SEMA3A: variants seen among roughly 807,000 people sequenced by gnomAD.
SEMA3A encodes the protein semaphorin-3A.
A neutral mutation model predicts 97.9 loss-of-function variants in SEMA3A; 29 were observed. That is an observed-to-expected ratio of 0.30 (90% confidence interval 0.22 to 0.40). SEMA3A has a LOEUF of 0.40. Among genes scored for constraint, SEMA3A ranks in the 10% least tolerant of loss-of-function variants. SEMA3A has a pLI of 1.00. For missense variants in SEMA3A, 763 were observed against 951.3 expected (o/e 0.80, Z 2.60); for synonymous variants, 321 against 323.7 (o/e 0.99, Z 0.09).
intron 5 of SEMA3A, among the ~76,000 whole-genome samples, chr7:84,050,883 T>C (rs1201985064): frequency 6.6e-6 from 1 of 151,330 alleles, no homozygotes; most frequent in African/African-American, 2.4e-5. Flanking sequence ...AATTGATTTT[T>C]GTATAAGGTG....
intron 4 of SEMA3A, among the ~76,000 whole-genome samples, chr7:84,061,435 G>A (rs1488034788): frequency 6.6e-6 from 1 of 152,194 alleles, no homozygotes; most frequent in Non-Finnish European, 1.5e-5. Context: ...TGACAGTGGA[G>A]TAAATCTGGG....
intron 1 of SEMA3A, among the ~76,000 whole-genome samples, chr7:84,468,801 G>A (rs903043038): frequency 1.3e-5 from 2 of 151,542 alleles, no homozygotes; most frequent in African/African-American, 4.9e-5. Context: ...TTTATATCAA[G>A]AATAGTTTTT....
chr7:84,474,044 A>G (rs1806218350), intron 1 of SEMA3A, among the ~76,000 whole-genome samples: 1 of 152,134 alleles, frequency 6.6e-6, no homozygotes, highest in South Asian at 2.1e-4. Context: ...GGTCTCATCT[A>G]CTAAGAAGTG....
chr7:84,331,371 C>T (rs1282564499), intron 2 of SEMA3A, among the ~76,000 whole-genome samples: 1 of 152,086 alleles, frequency 6.6e-6, no homozygotes, highest in Non-Finnish European at 1.5e-5. Context: ...CTTTTAATCC[C>T]AACCCATAAT....
intron 3 of SEMA3A, among the ~76,000 whole-genome samples, chr7:84,246,497 T>A (rs923626879): frequency 6.6e-6 from 1 of 152,010 alleles, no homozygotes; most frequent in African/African-American, 2.4e-5. Flanking sequence ...ACCCCCAAAT[T>A]AAAATAAGAC....
intron 1 of SEMA3A, among the ~76,000 whole-genome samples, chr7:84,466,063 T>C (rs1805986498): frequency 6.6e-6 from 1 of 152,350 alleles, no homozygotes; most frequent in African/African-American, 2.4e-5. Context: ...ATTGTTTTAA[T>C]GCAAATCCAG....
intron 3 of SEMA3A, among the ~76,000 whole-genome samples, chr7:84,282,834 T>C (rs926211067): frequency 3.3e-5 from 5 of 152,004 alleles, no homozygotes; most frequent in Admixed American, 3.3e-4. Context: ...GCCAACATTG[T>C]GAAATCCAGT....
chr7:84,044,575 C>A (rs549445688), intron 6 of SEMA3A, among the ~76,000 whole-genome samples: 43 of 152,060 alleles, frequency 2.8e-4, no homozygotes, highest in African/African-American at 1.0e-3. Context: ...ATGATAAATA[C>A]TGCAAGAGAC....
At chr7:83,981,735 A>G (rs1751283221) in intron 13 of SEMA3A, among the ~76,000 whole-genome samples, 1 of 152,210 alleles carries the variant, frequency 6.6e-6, no homozygotes, top group South Asian at 2.1e-4. Context: ...TGAAGACAGT[A>G]ATACACCAAC....
chr7:84,027,045 C>A (rs1791574017), intron 6 of SEMA3A, among the ~76,000 whole-genome samples: 1 of 151,778 alleles, frequency 6.6e-6, no homozygotes, highest in Non-Finnish European at 1.5e-5. Context: ...TGTGTACCTA[C>A]AAAAAAATGG....
At chr7:84,279,281 C>A (rs995549116) in intron 3 of SEMA3A, among the ~76,000 whole-genome samples, 10 of 151,948 alleles carry the variant, frequency 6.6e-5, no homozygotes, top group Admixed American at 2.0e-4. Context: ...CCTAATATCA[C>A]CAAAAATGGA....
intron 3 of SEMA3A, among the ~76,000 whole-genome samples, chr7:84,255,346 A>C (rs1799695021): frequency 1.3e-5 from 2 of 152,142 alleles, no homozygotes; most frequent in South Asian, 2.1e-4. Context: ...AAACATAAAT[A>C]ATTGAGATTG....
At chr7:84,101,583 C>T (rs1164497621) in intron 4 of SEMA3A, among the ~76,000 whole-genome samples, 2 of 152,124 alleles carry the variant, frequency 1.3e-5, no homozygotes, top group African/African-American at 4.8e-5. Context: ...CCAGTTAGTT[C>T]TAACTGCTAG....
intron 4 of SEMA3A, among the ~76,000 whole-genome samples, chr7:84,088,546 A>C (rs1024510049): frequency 5.9e-5 from 9 of 152,274 alleles, no homozygotes; most frequent in Admixed American, 4.6e-4. Context: ...TTCCTGTCTT[A>C]ATTCAATTTT....
At chr7:84,405,881 TG>T (rs1431757503) in intron 1 of SEMA3A, among the ~76,000 whole-genome samples, 2 of 152,154 alleles carry the variant, frequency 1.3e-5, no homozygotes, top group African/African-American at 4.8e-5. Context: ...CCAGAATCTC[TG>T]GGACACATTC....
chr7:84,161,068 A>C (rs1259095337), intron 1 of SEMA3A, among the ~76,000 whole-genome samples: 1 of 151,946 alleles, frequency 6.6e-6, no homozygotes, highest in African/African-American at 2.4e-5. Flanking sequence ...TTTTTATTTA[A>C]GAATTTTAAA....
In SEMA3A at chr7:84,330,746, C is replaced by CT. The variant is rs570347168; in HGVS notation, c.-168-23455dup. On this transcript the variant is annotated intron_variant, in intron 2 of 3. Transcript: ENST00000424555. ...TAGGTATTTTAGAATACTACAAGCA[C>CT]TTTTTTTAAAAAATAATTCAACTCC... Among the ~76,000 whole-genome samples, 110 of 152,092 alleles carry CT rather than the reference C, an allele frequency of 7.2e-4. 1 individual carries two copies. The highest frequency in any genetic ancestry group is 2.5e-3 in the African/African-American group (105 of 41,542).
intron 3 of SEMA3A, among the ~76,000 whole-genome samples, chr7:84,290,519 A>C (rs536716032): frequency 1.1e-4 from 17 of 151,952 alleles, no homozygotes; most frequent in Non-Finnish European, 2.4e-4. Flanking sequence ...CACACAGCTG[A>C]AGCTTCACCT....
At chr7:83,994,869 G>T (rs1790139857) in intron 12 of SEMA3A, among the ~76,000 whole-genome samples, 1 of 152,112 alleles carries the variant, frequency 6.6e-6, no homozygotes, top group Non-Finnish European at 1.5e-5. Context: ...CGGCTGCTTT[G>T]TTTACCTAAT....
Sources: gnomAD v4.1 joint callset for allele counts (sites outside exome capture counted in the v4.1 genomes callset) on GRCh38, gnomAD v4.1.1 for gene constraint, MANE v1.5 for transcripts, NCBI Gene and HGNC (gene_info 2026-07-23, HGNC 2026-07-21) for gene names.